PAG1: variants seen among roughly 807,000 people sequenced by gnomAD.
PAG1 encodes the protein phosphoprotein membrane anchor with glycosphingolipid microdomains 1.
In PAG1, 23 loss-of-function variants were observed where a neutral mutation model predicts 31.7. The observed-to-expected ratio is 0.73, with a 90% CI of 0.52 to 1.03. The LOEUF (loss-of-function observed/expected upper bound fraction) is 1.03, where lower values mean the gene tolerates loss of function less well. PAG1 is among the 50% of genes least tolerant of loss of function. The pLI is 0.00. For synonymous variants in PAG1, 214 were observed against 210.3 expected, an observed-to-expected ratio of 1.02 and a Z score of -0.15; for missense variants, 473 against 540.7, an observed-to-expected ratio of 0.87 and a Z score of 1.24.
rs923248980 is a variant in PAG1, at chr8:80,969,069, G to C, written c.*7475C>G. ...CTCACAAATGTTTGCTGACTTGAAC[G>C]TAAGGTTCAGCTTTCCTGATGCTTT... is the stretch of plus-strand genomic sequence containing the variant. On this transcript the variant is annotated 3_prime_UTR_variant, in exon 9 of 9. Transcript: ENST00000220597. 2.6e-5 allele frequency: 4 copies of C among 152,332 alleles called. No individual in the cohort carries two copies. Among genetic ancestry groups the C allele is most frequent in the African/African-American group, 4.8e-5 (2 of 41,588 alleles). 9.4% of individuals were successfully genotyped at this position (152,332 alleles called of 1,614,324 possible). A position where few individuals can be genotyped will look rare whatever the true frequency, so the allele number is the denominator to read the frequency against.
chr8:81,030,509 T>C (rs1317531189), intron 2 of PAG1, among the ~76,000 whole-genome samples: 2 of 152,232 alleles, frequency 1.3e-5, no homozygotes, highest in South Asian at 4.1e-4. Flanking sequence ...GCATTTATAC[T>C]TTTTGGTAAG....
At chr8:81,103,347 A>G (rs1343196778) in intron 1 of PAG1, among the ~76,000 whole-genome samples, 1 of 152,150 alleles carries the variant, frequency 6.6e-6, no homozygotes, top group Non-Finnish European at 1.5e-5. Flanking sequence ...ATTCACAAAG[A>G]TACAGCAACA....
At chr8:80,983,325 C>T (rs1043311001) in intron 7 of PAG1, among the ~76,000 whole-genome samples, 3 of 152,214 alleles carry the variant, frequency 2.0e-5, no homozygotes. Context: ...TACTCCCCAC[C>T]TGTTTTCTCA....
rs1343809599 is a variant in PAG1, at chr8:80,969,335, T to A, written c.*7209A>T. 6.6e-6 allele frequency: 1 copy of A among 152,226 alleles called. No homozygotes were observed. Among genetic ancestry groups the A allele is most frequent in the Non-Finnish European group, 1.5e-5 (1 of 68,044 alleles). 9.4% of individuals were successfully genotyped at this position (152,226 alleles called of 1,614,324 possible). A position where few individuals can be genotyped will look rare whatever the true frequency, so the allele number is the denominator to read the frequency against. On this transcript the variant is annotated 3_prime_UTR_variant, in exon 9 of 9. Coordinates refer to ENST00000220597, the MANE Select transcript of PAG1 (RefSeq NM_018440.4). Reference sequence around the variant, plus strand: ...AATACATAGAAGCTTGTCAAAGGAATGCTCAAAATCCTCAACCCATAGACT... The same window carrying A: ...AATACATAGAAGCTTGTCAAAGGAAAGCTCAAAATCCTCAACCCATAGACT...
chr8:81,059,656 T>A (rs920145876), intron 2 of PAG1, among the ~76,000 whole-genome samples: 2 of 151,998 alleles, frequency 1.3e-5, no homozygotes, highest in African/African-American at 4.8e-5. Context: ...CTCGAAGGAG[T>A]CTATTATCTC....
intron 7 of PAG1, among the ~76,000 whole-genome samples, chr8:80,982,414 C>A (rs1463902963): frequency 2.6e-5 from 4 of 152,186 alleles, no homozygotes; most frequent in Non-Finnish European, 4.4e-5. Context: ...GACTCCACAA[C>A]TTTCCTGTTT....
At chr8:80,999,254 T>C (rs1197289705) in intron 3 of PAG1, among the ~76,000 whole-genome samples, 1 of 152,180 alleles carries the variant, frequency 6.6e-6, no homozygotes, top group East Asian at 1.9e-4. Context: ...ACCCAGATAT[T>C]TACTATTCCA....
At chr8:81,029,345 GTC>G (rs71918703) in intron 3 of PAG1, among the ~76,000 whole-genome samples, 213 of 149,366 alleles carry the variant, frequency 1.4e-3, no homozygotes, top group African/African-American at 4.6e-3. Context: ...TCCTTCTTTG[GTC>G]TCTCTCTCTC....
chr8:81,007,433 G>T (rs1807902052), intron 3 of PAG1, among the ~76,000 whole-genome samples: 1 of 147,562 alleles, frequency 6.8e-6, no homozygotes. Flanking sequence ...GGCCAACACG[G>T]TGAAACCCCG....
At chr8:81,086,276 C>T (rs1274568521) in intron 1 of PAG1, among the ~76,000 whole-genome samples, 2 of 152,128 alleles carry the variant, frequency 1.3e-5, no homozygotes, top group Admixed American at 6.5e-5. Flanking sequence ...CCACCGCGCC[C>T]GGCCAATCTG....
intron 3 of PAG1, among the ~76,000 whole-genome samples, chr8:81,016,866 C>A (rs1808081035): frequency 6.6e-6 from 1 of 152,182 alleles, no homozygotes; most frequent in African/African-American, 2.4e-5. Context: ...GATACTTAGG[C>A]ATTCTCTAGG....
intron 1 of PAG1, among the ~76,000 whole-genome samples, chr8:81,104,026 C>CAT (rs952114051): frequency 6.6e-6 from 1 of 152,100 alleles, no homozygotes; most frequent in Non-Finnish European, 1.5e-5. Context: ...ATGAAAATTC[C>CAT]ATGCGCTTCT....
chr8:80,978,352 T>C (rs1017726403), intron 8 of PAG1, among the ~76,000 whole-genome samples: 2 of 152,180 alleles, frequency 1.3e-5, no homozygotes, highest in Admixed American at 1.3e-4. Context: ...ATAAAAAAAA[T>C]TCACTGCTGT....
rs1807170476 is a variant in PAG1, at chr8:80,975,991, A to G, written c.*553T>C. 1 of 152,824 alleles carries G rather than the reference A, an allele frequency of 6.5e-6. No homozygotes were observed. Among genetic ancestry groups the G allele is most frequent in the Non-Finnish European group, 1.5e-5 (1 of 68,584 alleles). 9.5% of individuals were successfully genotyped at this position (152,824 alleles called of 1,614,324 possible). A position where few individuals can be genotyped will look rare whatever the true frequency, so the allele number is the denominator to read the frequency against. ...GGGAGGACTGGCGAGCTGGGCAGAA[A>G]GCAGCAGCCATGGTTTGTCACCATC... On this transcript the variant is annotated 3_prime_UTR_variant, in exon 9 of 9. Transcript: ENST00000220597.
chr8:81,026,571 A>G (rs1808282132), intron 3 of PAG1, among the ~76,000 whole-genome samples: 2 of 151,676 alleles, frequency 1.3e-5, no homozygotes, highest in African/African-American at 4.8e-5. Context: ...AGGCTCTCCC[A>G]GCTTTCTGGC....
chr8:80,977,968 C>T (rs1308976705), intron 8 of PAG1, among the ~76,000 whole-genome samples: 1 of 152,190 alleles, frequency 6.6e-6, no homozygotes, highest in African/African-American at 2.4e-5. Flanking sequence ...TCACAGATGC[C>T]TGGCTTCCCA....
At chr8:81,055,840 G>C (rs540648654) in intron 2 of PAG1, among the ~76,000 whole-genome samples, 176 of 152,368 alleles carry the variant, frequency 1.2e-3, no homozygotes, top group African/African-American at 3.8e-3. Flanking sequence ...TTGCTTATCA[G>C]CTAAAGGAGA....
At chr8:80,981,480 C>T (rs1436438887) in intron 7 of PAG1, among the ~76,000 whole-genome samples, 1 of 152,082 alleles carries the variant, frequency 6.6e-6, no homozygotes, top group African/African-American at 2.4e-5. Context: ...TACTTTGCAT[C>T]TTCTCCTCTT....
intron 2 of PAG1, among the ~76,000 whole-genome samples, chr8:81,051,748 TCAG>T (rs746902197): frequency 6.6e-6 from 1 of 152,208 alleles, no homozygotes; most frequent in South Asian, 2.1e-4. Flanking sequence ...CAAGTTGCCA[TCAG>T]CAAATACAGT....
Sources: allele counts gnomAD v4.1 joint callset (sites outside exome capture counted in the v4.1 genomes callset), GRCh38; gene constraint gnomAD v4.1.1; transcripts MANE v1.5; gene names NCBI Gene and HGNC (gene_info 2026-07-23, HGNC 2026-07-21).